The following VEPH1 variants were observed in gnomAD, a reference collection of about 807,000 sequenced individuals.
The protein encoded by VEPH1 is ventricular zone expressed PH domain containing 1.
A neutral mutation model predicts 85.2 loss-of-function variants in VEPH1; 80 were observed. The ratio of observed to expected loss-of-function variants is 0.94; its 90% CI spans 0.78 to 1.13. The LOEUF (loss-of-function observed/expected upper bound fraction) is 1.13, where lower values mean the gene tolerates loss of function less well. VEPH1 is among the 50% of genes most tolerant of loss of function. The pLI, the probability that VEPH1 is intolerant of heterozygous loss-of-function variation, is 0.00. For synonymous variants in VEPH1, 297 were observed against 348.0 expected (o/e 0.85, Z 1.63); for missense variants, 955 against 980.5 (o/e 0.97, Z 0.35).
intron 11 of VEPH1, among the ~76,000 whole-genome samples, chr3:157,307,536 C>T (rs1258588639): frequency 2.0e-5 from 3 of 151,616 alleles, no homozygotes; most frequent in Non-Finnish European, 3.0e-5. Flanking sequence ...ATTTGTAATC[C>T]CCCTTCTATC....
chr3:157,288,000 C>T (rs2062608), intron 11 of VEPH1, among the ~76,000 whole-genome samples: 10,138 of 152,252 alleles, frequency 0.067, 501 homozygotes, highest in South Asian at 0.19. Flanking sequence ...GGCACCATGC[C>T]AATGAGTTCC....
chr3:157,329,805 C>T (rs1030251747), intron 9 of VEPH1, among the ~76,000 whole-genome samples: 4 of 152,096 alleles, frequency 2.6e-5, no homozygotes, highest in African/African-American at 7.2e-5. Flanking sequence ...AAAGATCCAT[C>T]GAAAAACTAA....
chr3:157,451,051 T>C (rs6794511), intron 4 of VEPH1, among the ~76,000 whole-genome samples: 71,611 of 152,028 alleles, frequency 0.47, 18,149 homozygotes, highest in African/African-American at 0.67. Flanking sequence ...TGTCCTTGTC[T>C]GGTATTGATA....
At chr3:157,272,378 T>C (rs201617939) in intron 12 of VEPH1, among the ~76,000 whole-genome samples, 6,960 of 48,724 alleles carry the variant, frequency 0.14, 203 homozygotes, top group East Asian at 0.24. Context: ...CTCTTTCTTT[T>C]CTTTCTTTCT....
chr3:157,377,726 A>G (rs925529224), intron 7 of VEPH1, among the ~76,000 whole-genome samples: 3 of 152,074 alleles, frequency 2.0e-5, no homozygotes, highest in Non-Finnish European at 4.4e-5. Flanking sequence ...GCTGTCTTCC[A>G]TGATTGTAAG....
chr3:157,403,273 A>G (rs1027617546), intron 6 of VEPH1, among the ~76,000 whole-genome samples: 1 of 152,146 alleles, frequency 6.6e-6, no homozygotes, highest in Non-Finnish European at 1.5e-5. Context: ...AAAAATAAAA[A>G]CAAGAACTTA....
chr3:157,453,998 C>T (rs146378450), intron 4 of VEPH1, among the ~76,000 whole-genome samples: 1,695 of 152,032 alleles, frequency 0.011, 19 homozygotes, highest in South Asian at 0.034. Flanking sequence ...TCATTGTCAT[C>T]GAAAAAGCAT....
At chr3:157,330,524 A>T (rs1722380876) in intron 9 of VEPH1, among the ~76,000 whole-genome samples, 1 of 152,186 alleles carries the variant, frequency 6.6e-6, no homozygotes, top group Non-Finnish European at 1.5e-5. Flanking sequence ...GTATCATAAA[A>T]CACTTCATTA....
At chr3:157,304,799 A>G (rs1719276505) in intron 11 of VEPH1, among the ~76,000 whole-genome samples, 1 of 152,204 alleles carries the variant, frequency 6.6e-6, no homozygotes, top group Admixed American at 6.5e-5. Flanking sequence ...TAATCCCATC[A>G]ACTAGAGCTA....
chr3:157,265,094 T>C (rs1210765889), intron 13 of VEPH1, among the ~76,000 whole-genome samples: 1 of 152,190 alleles, frequency 6.6e-6, no homozygotes, highest in Non-Finnish European at 1.5e-5. Context: ...TTGTTGACTA[T>C]AAAAAGTACC....
Position 157,313,185 on chromosome 3 carries a change from T to A in VEPH1, c.2010+436A>T, listed in dbSNP as rs550410244. Among the ~76,000 whole-genome samples, 1,048 of 152,134 alleles carry A rather than the reference T, an allele frequency of 6.9e-3. 18 individuals are homozygous for A. Among genetic ancestry groups the A allele is most frequent in the African/African-American group, 0.024 (990 of 41,500 alleles). On this transcript the variant is annotated intron_variant, in intron 11 of 13. Transcript: ENST00000362010. ...TCCCAAAGTGCTGGGATTACAGGCA[T>A]GAGCCACCGTGCCCGGCCAACATTT...
chr3:157,448,923 T>C (rs2109291734), intron 4 of VEPH1, among the ~76,000 whole-genome samples: 1 of 152,312 alleles, frequency 6.6e-6, no homozygotes, highest in Middle Eastern at 3.4e-3. Context: ...CCCATACTAT[T>C]CTCATGGTAG....
At chr3:157,365,200 T>G (rs760884522) in intron 7 of VEPH1, among the ~76,000 whole-genome samples, 1 of 152,204 alleles carries the variant, frequency 6.6e-6, no homozygotes, top group Non-Finnish European at 1.5e-5. Flanking sequence ...ACAAATAAGC[T>G]GCAGAAATAG....
At chr3:157,319,275 A>G (rs1721119732) in intron 9 of VEPH1, among the ~76,000 whole-genome samples, 1 of 152,228 alleles carries the variant, frequency 6.6e-6, no homozygotes, top group African/African-American at 2.4e-5. Context: ...CTTGTATAAA[A>G]TCAGAAATCA....
chr3:157,324,556 G>T (rs934861368), intron 9 of VEPH1, among the ~76,000 whole-genome samples: 12 of 151,878 alleles, frequency 7.9e-5, no homozygotes, highest in African/African-American at 2.4e-4. Flanking sequence ...TCATAATTCA[G>T]CTCCTTTTTA....
intron 4 of VEPH1, among the ~76,000 whole-genome samples, chr3:157,442,051 CAA>C (rs1204606151): frequency 3.3e-5 from 5 of 152,034 alleles, no homozygotes; most frequent in Non-Finnish European, 7.4e-5. Flanking sequence ...AAAGCAGTAA[CAA>C]AGAAAATATG....
chr3:157,388,059 T>C (rs1439699835), intron 6 of VEPH1, among the ~76,000 whole-genome samples: 3 of 152,228 alleles, frequency 2.0e-5, no homozygotes, highest in African/African-American at 7.2e-5. Flanking sequence ...CCCGGGCATT[T>C]GTATTTTACA....
intron 12 of VEPH1, among the ~76,000 whole-genome samples, chr3:157,272,240 T>TCTTC (rs59176910): frequency 0.053 from 7,190 of 136,604 alleles, 243 homozygotes; most frequent in Middle Eastern, 0.089. Context: ...TCTCTTTTCT[T>TCTTC]CTTCCTTCCT....
intron 7 of VEPH1, among the ~76,000 whole-genome samples, chr3:157,375,385 G>A (rs901155947): frequency 2.0e-5 from 3 of 152,232 alleles, no homozygotes; most frequent in African/African-American, 7.2e-5. Flanking sequence ...TTTCAGTAGA[G>A]TTAGGTTCTG....
Sources: allele counts gnomAD v4.1 joint callset (sites outside exome capture counted in the v4.1 genomes callset), GRCh38; gene constraint gnomAD v4.1.1; transcripts MANE v1.5; gene names NCBI Gene and HGNC (gene_info 2026-07-23, HGNC 2026-07-21).